POU6F2: variants seen among roughly 807,000 people sequenced by gnomAD.
The protein encoded by POU6F2 is POU class 6 homeobox 2, also known as POU domain, class 6, transcription factor 2.
In POU6F2, 31 loss-of-function variants were observed where a neutral mutation model predicts 71.3. The ratio of observed to expected loss-of-function variants is 0.43; its 90% CI spans 0.33 to 0.59. POU6F2 has a LOEUF of 0.59. POU6F2 is among the 20% of genes least tolerant of loss of function. POU6F2 has a pLI of 0.04. For missense variants in POU6F2, 783 were observed against 856.8 expected (o/e 0.91, Z 1.07); for synonymous variants, 347 against 355.7 (o/e 0.98, Z 0.27).
At chr7:39,247,386 G>A (rs1783840397) in intron 4 of POU6F2, among the ~76,000 whole-genome samples, 1 of 152,058 alleles carries the variant, frequency 6.6e-6, no homozygotes, top group Admixed American at 6.5e-5. Context: ...AGTAGGCGGA[G>A]GTTACAGTGA....
In POU6F2 at chr7:39,150,225, CTGTGTGTG is replaced by C. The variant is rs60761447; in HGVS notation, c.278-53982_278-53975del. On this transcript the variant is annotated intron_variant, in intron 2 of 9. Transcript: ENST00000518318. ...CCTTTTTTAAGGCTGAGTAATATGTCTGTGTGTGTGTGTGTGTGTGTGTGTGTGTGTGT... is the reference window on the plus strand; with the variant it reads ...CCTTTTTTAAGGCTGAGTAATATGTCTGTGTGTGTGTGTGTGTGTGTGTGT... 5.1e-3 allele frequency among the ~76,000 whole-genome samples: 727 copies of C among 141,240 alleles called. 5 individuals carry two copies. Among genetic ancestry groups the C allele is most frequent in the Middle Eastern group, 7.3e-3 (2 of 274 alleles). 92.7% of individuals were successfully genotyped at this position (141,240 alleles called of 152,430 possible).
In POU6F2 at chr7:39,339,865, G is replaced by A. The variant is rs145403612; in HGVS notation, c.822G>A (p.Ala274=). ...CTCCTACATCTCAGCTGCAACAGGC[G>A]CCTCAGCCCCAGCAGCACCAACCCC... The part of the protein sequence containing the change: ...PPAPTSQLQQ[A]PQPQQHQPHS... The change falls in exon 5 of 10, where the codon GCG becomes GCA. Residue 274 remains alanine, a synonymous_variant. Coordinates refer to ENST00000518318, the MANE Select transcript of POU6F2 (RefSeq NM_001370959.1). The A allele has an allele frequency of 1.2e-5, 20 of 1,610,644 alleles. No homozygotes were observed. Among genetic ancestry groups the A allele is most frequent in the Admixed American group, 3.4e-5 (2 of 59,408 alleles).
intron 4 of POU6F2, among the ~76,000 whole-genome samples, chr7:39,270,150 T>C (rs1314696438): frequency 6.6e-6 from 1 of 152,176 alleles, no homozygotes; most frequent in African/African-American, 2.4e-5. Context: ...TAGCTTCAAA[T>C]TCCAGCGGGG....
At chr7:39,406,386 C>T (rs2115894820) in intron 5 of POU6F2, 1 of 571,814 alleles carries the variant, frequency 1.7e-6, no homozygotes, top group African/African-American at 1.9e-5. Flanking sequence ...CCAGACTCCA[C>T]CAAGCTCCCC....
intron 4 of POU6F2, among the ~76,000 whole-genome samples, chr7:39,267,243 A>G (rs537990611): frequency 6.6e-6 from 1 of 152,322 alleles, no homozygotes; most frequent in South Asian, 2.1e-4. Context: ...CGCCCATAAA[A>G]TTACAGTGTA....
chr7:39,300,520 CAA>C (rs1255246387), intron 4 of POU6F2, among the ~76,000 whole-genome samples: 4 of 152,212 alleles, frequency 2.6e-5, no homozygotes, highest in Non-Finnish European at 5.9e-5. Context: ...GCTGCTGTAA[CAA>C]AGTACCGCAG....
intron 4 of POU6F2, among the ~76,000 whole-genome samples, chr7:39,269,599 T>C (rs1784308007): frequency 6.6e-6 from 1 of 152,246 alleles, no homozygotes; most frequent in Non-Finnish European, 1.5e-5. Context: ...CATCAGCTCC[T>C]ATAGATTCAG....
intron 5 of POU6F2, among the ~76,000 whole-genome samples, chr7:39,387,280 C>A (rs773137839): frequency 5.9e-5 from 9 of 152,196 alleles, no homozygotes; most frequent in Non-Finnish European, 1.0e-4. Context: ...TGGCCCTGTT[C>A]CAAATCCCCA....
At chr7:39,379,197 C>T (rs577622906) in intron 5 of POU6F2, among the ~76,000 whole-genome samples, 30 of 152,252 alleles carry the variant, frequency 2.0e-4, no homozygotes, top group Non-Finnish European at 3.2e-4. Flanking sequence ...GCATCATTCT[C>T]GTGGAAATAC....
rs1439287745 is a variant in POU6F2, at chr7:39,468,179, T to A, written c.*3493T>A. 6.6e-6 allele frequency: 1 copy of A among 151,670 alleles called. No individual in the cohort carries two copies. The highest frequency in any genetic ancestry group is 2.4e-5 in the African/African-American group (1 of 41,236). 9.4% of individuals were successfully genotyped at this position (151,670 alleles called of 1,614,324 possible). A position where few individuals can be genotyped will look rare whatever the true frequency, so the allele number is the denominator to read the frequency against. On this transcript the variant is annotated 3_prime_UTR_variant, in exon 10 of 10. Coordinates refer to ENST00000518318, the MANE Select transcript of POU6F2 (RefSeq NM_001370959.1). ...ATGTGAGGCACATTTGTTTATTTGT[T>A]GTTAAGAAAGTGATTTTTTTTTTTT... is the stretch of plus-strand genomic sequence containing the variant.
intron 2 of POU6F2, among the ~76,000 whole-genome samples, chr7:39,125,937 T>C (rs10234489): frequency 0.82 from 125,492 of 152,198 alleles, 51,958 homozygotes; most frequent in East Asian, 1. Context: ...AGCAAATTCC[T>C]TAAGGACCAA....
chr7:39,153,728 G>A (rs890421027), intron 2 of POU6F2, among the ~76,000 whole-genome samples: 5 of 151,964 alleles, frequency 3.3e-5, no homozygotes, highest in South Asian at 2.1e-4. Context: ...ATCTCTGTAC[G>A]TTGCTTGTTT....
intron 1 of POU6F2, among the ~76,000 whole-genome samples, chr7:38,979,120 A>T (rs901620037): frequency 1.3e-5 from 2 of 151,978 alleles, no homozygotes; most frequent in African/African-American, 4.8e-5. Context: ...TTTTGACTAA[A>T]TTTTTCTAAG....
intron 6 of POU6F2, among the ~76,000 whole-genome samples, chr7:39,416,988 C>A (rs1024124415): frequency 6.6e-6 from 1 of 152,004 alleles, no homozygotes; most frequent in Non-Finnish European, 1.5e-5. Flanking sequence ...GGAGTGGAAG[C>A]CATTTATATC....
chr7:39,032,453 A>T (rs1244145194), intron 1 of POU6F2, among the ~76,000 whole-genome samples: 2 of 152,244 alleles, frequency 1.3e-5, no homozygotes, highest in Non-Finnish European at 2.9e-5. Context: ...GTAGACATTC[A>T]GTTGAATGAG....
intron 1 of POU6F2, among the ~76,000 whole-genome samples, chr7:39,051,515 C>T (rs1373553628): frequency 2.0e-5 from 3 of 152,148 alleles, no homozygotes; most frequent in African/African-American, 7.2e-5. Flanking sequence ...CATTTCCCTA[C>T]TTAAGCTTTT....
At chr7:38,992,352 A>T (rs1788627672) in intron 1 of POU6F2, among the ~76,000 whole-genome samples, 3 of 152,198 alleles carry the variant, frequency 2.0e-5, no homozygotes, top group Non-Finnish European at 4.4e-5. Flanking sequence ...TTTTCATATG[A>T]TGTCTAAAAG....
At chr7:39,315,672 A>C (rs1213358898) in intron 4 of POU6F2, among the ~76,000 whole-genome samples, 1 of 152,042 alleles carries the variant, frequency 6.6e-6, no homozygotes, top group African/African-American at 2.4e-5. Flanking sequence ...TCTCCCACTT[A>C]TCCCATGGAT....
chr7:38,987,576 A>G (rs1788493754), intron 1 of POU6F2, among the ~76,000 whole-genome samples: 1 of 152,136 alleles, frequency 6.6e-6, no homozygotes, highest in South Asian at 2.1e-4. Context: ...ACCCTGATTC[A>G]TAAGTTAAAT....
Sources: allele counts gnomAD v4.1 joint callset (sites outside exome capture counted in the v4.1 genomes callset), GRCh38; gene constraint gnomAD v4.1.1; transcripts MANE v1.5; gene names NCBI Gene and HGNC (gene_info 2026-07-23, HGNC 2026-07-21).